Variants in HIP1 observed in about 807,000 individuals in gnomAD.
The protein encoded by HIP1 is huntingtin interacting protein 1.
Under a neutral mutation model 147.6 loss-of-function variants are expected in HIP1, and 65 were observed. That is an observed-to-expected ratio of 0.44 (90% CI 0.36 to 0.54). The LOEUF (loss-of-function observed/expected upper bound fraction) is 0.54. Ranked by LOEUF, HIP1 falls within the 20% of genes least tolerant of loss-of-function variation. HIP1 has a pLI of 0.00. For missense variants in HIP1, 1,061 were observed against 1,299.6 expected (o/e 0.82, Z 2.82); for synonymous variants, 479 against 504.0 (o/e 0.95, Z 0.67).
chr7:75,628,358 T>G (rs890661849), intron 1 of HIP1, among the ~76,000 whole-genome samples: 3 of 152,316 alleles, frequency 2.0e-5, no homozygotes, highest in African/African-American at 7.2e-5. Flanking sequence ...TTTGGCAGAA[T>G]TAGTCATCTT....
chr7:75,662,959 G>A (rs1554513862), intron 1 of HIP1, among the ~76,000 whole-genome samples: 1 of 152,098 alleles, frequency 6.6e-6, no homozygotes, highest in Admixed American at 6.6e-5. Context: ...TCACCACACC[G>A]GCGACCCATG....
At chr7:75,603,002 T>C (rs1584866457) in intron 1 of HIP1, among the ~76,000 whole-genome samples, 1 of 150,742 alleles carries the variant, frequency 6.6e-6, no homozygotes, top group African/African-American at 2.4e-5. Context: ...GAGTGATGAG[T>C]CTACAAGCCA....
At chr7:75,570,507 G>C (rs1554496396) in intron 8 of HIP1, among the ~76,000 whole-genome samples, 1 of 149,834 alleles carries the variant, frequency 6.7e-6, no homozygotes, top group Non-Finnish European at 1.5e-5. Flanking sequence ...TGGCCAGGAT[G>C]GTCTCGATCT....
At chr7:75,695,448 C>T (rs1800604373) in intron 1 of HIP1, among the ~76,000 whole-genome samples, 1 of 152,180 alleles carries the variant, frequency 6.6e-6, no homozygotes, top group Non-Finnish European at 1.5e-5. Flanking sequence ...CACATGAAGT[C>T]TCTTGAATTA....
chr7:75,614,923 C>T (rs1485586856), intron 1 of HIP1, among the ~76,000 whole-genome samples: 4 of 152,232 alleles, frequency 2.6e-5, no homozygotes, highest in African/African-American at 4.8e-5. Flanking sequence ...CAGGCACCCA[C>T]CACCCCGCCT....
intron 1 of HIP1, among the ~76,000 whole-genome samples, chr7:75,603,118 G>A (rs997592657): frequency 2.3e-4 from 35 of 152,078 alleles, no homozygotes; most frequent in Non-Finnish European, 3.8e-4. Context: ...AGGCAGAGGC[G>A]GGAGGATCAC....
At chr7:75,696,020 T>A (rs1554518707) in intron 1 of HIP1, among the ~76,000 whole-genome samples, 1 of 152,136 alleles carries the variant, frequency 6.6e-6, no homozygotes, top group Non-Finnish European at 1.5e-5. Context: ...ACGGTTCCGC[T>A]GTGTCACCCA....
At chr7:75,727,220 G>C (rs537571483) in intron 1 of HIP1, among the ~76,000 whole-genome samples, 263 of 152,084 alleles carry the variant, frequency 1.7e-3, no homozygotes, top group African/African-American at 6.2e-3. Context: ...CCTGGCATCA[G>C]TCTCCTAGGC....
chr7:75,544,963 A>T, intron 26 of HIP1, 125 bp downstream of exon 26: 1 of 767,374 alleles, frequency 1.3e-6, no homozygotes, highest in Non-Finnish European at 2.2e-6. Flanking sequence ...ACTCGGTCCT[A>T]TTGACTTCCT....
chr7:75,701,728 C>T (rs1554519194), intron 1 of HIP1, among the ~76,000 whole-genome samples: 1 of 151,912 alleles, frequency 6.6e-6, no homozygotes, highest in Non-Finnish European at 1.5e-5. Flanking sequence ...TGGTGCACAC[C>T]TGTAGTCCTA....
chr7:75,670,839 C>T (rs1241990443), intron 1 of HIP1, among the ~76,000 whole-genome samples: 9 of 137,444 alleles, frequency 6.5e-5, no homozygotes, highest in African/African-American at 2.5e-4. Flanking sequence ...CCAGGCTGGT[C>T]TCAAACTCTT....
At chr7:75,724,351 G>A (rs1011331822) in intron 1 of HIP1, among the ~76,000 whole-genome samples, 1 of 152,076 alleles carries the variant, frequency 6.6e-6, no homozygotes, top group East Asian at 1.9e-4. Flanking sequence ...GGGTTCAAGC[G>A]ATTCTCCTGC....
chr7:75,548,316 C>CA (rs1794653557), intron 23 of HIP1, among the ~76,000 whole-genome samples: 3 of 151,924 alleles, frequency 2.0e-5, no homozygotes, highest in African/African-American at 7.2e-5. Context: ...CGTGAGCCAC[C>CA]ACGCCTGGCC....
intron 9 of HIP1, 64 bp from the exon 10 acceptor site, chr7:75,563,327 GCAGCCAC>G: frequency 6.7e-7 from 1 of 1,489,028 alleles, no homozygotes; most frequent in Non-Finnish European, 9.4e-7. Context: ...AGGGGACAGA[GCAGCCAC>G]CTGGCTTTCC....
chr7:75,684,389 A>C (rs550967178), intron 1 of HIP1, among the ~76,000 whole-genome samples: 6 of 148,224 alleles, frequency 4.0e-5, no homozygotes, highest in Non-Finnish European at 8.9e-5. Flanking sequence ...CAGAGGTTGC[A>C]GTAAGCCGAG....
At chr7:75,539,060 G>C (rs1056662218) in intron 30 of HIP1, among the ~76,000 whole-genome samples, 29 of 152,162 alleles carry the variant, frequency 1.9e-4, no homozygotes, top group Non-Finnish European at 3.7e-4. Flanking sequence ...GGCCTGGGAG[G>C]GAATGGCAGT....
chr7:75,662,741 A>ATGATCCATCCTCCTGACCTCAG (rs1563277217), intron 1 of HIP1, among the ~76,000 whole-genome samples: 30 of 151,994 alleles, frequency 2.0e-4, no homozygotes, highest in African/African-American at 7.0e-4. Flanking sequence ...CCTGACCTCA[A>ATGATCCATCCTCCTGACCTCAG]ATGATCCATC....
chr7:75,692,721 C>G (rs753758841), intron 1 of HIP1, among the ~76,000 whole-genome samples: 39 of 151,974 alleles, frequency 2.6e-4, no homozygotes, highest in Non-Finnish European at 5.1e-4. Flanking sequence ...TGAGCCACTG[C>G]GCCCAGACAC....
At chr7:75,685,312 T>C (rs1554517460) in intron 1 of HIP1, among the ~76,000 whole-genome samples, 1 of 152,016 alleles carries the variant, frequency 6.6e-6, no homozygotes, top group African/African-American at 2.4e-5. Context: ...GTGAAGACAA[T>C]GGACAATTCC....
Sources: gnomAD v4.1 joint callset for allele counts (sites outside exome capture counted in the v4.1 genomes callset) on GRCh38, gnomAD v4.1.1 for gene constraint, MANE v1.5 for transcripts, NCBI Gene and HGNC (gene_info 2026-07-23, HGNC 2026-07-21) for gene names.